The following ERBB4 variants were observed in gnomAD, a reference collection of about 807,000 sequenced individuals.
ERBB4 encodes erb-b2 receptor tyrosine kinase 4, also known as receptor tyrosine-protein kinase erbB-4.
ERBB4 carries 42 observed loss-of-function variants against 158.0 expected under a neutral mutation model. That is an observed-to-expected ratio of 0.27 (90% confidence interval 0.21 to 0.34). ERBB4 has a LOEUF of 0.34. Among genes scored for constraint, ERBB4 ranks in the 10% least tolerant of loss-of-function variants. ERBB4 has a pLI of 1.00. For missense variants in ERBB4, 1,333 were observed against 1,624.1 expected (o/e 0.82, Z 3.08); for synonymous variants, 583 against 558.7 (o/e 1.04, Z -0.61).
intron 3 of ERBB4, among the ~76,000 whole-genome samples, chr2:211,898,197 A>G (rs2079149208): frequency 6.6e-6 from 1 of 152,118 alleles, no homozygotes; most frequent in Admixed American, 6.6e-5. Context: ...CCATTAGACT[A>G]AATATGCCTA....
intron 16 of ERBB4, among the ~76,000 whole-genome samples, chr2:211,655,462 A>C (rs1431905798): frequency 1.3e-5 from 2 of 152,224 alleles, no homozygotes; most frequent in African/African-American, 4.8e-5. Flanking sequence ...TGCATGAAGA[A>C]AGTGAGGCTC....
At chr2:212,395,081 G>A (rs1202580454) in intron 1 of ERBB4, among the ~76,000 whole-genome samples, 1 of 152,038 alleles carries the variant, frequency 6.6e-6, no homozygotes, top group African/African-American at 2.4e-5. Context: ...CTTAACAACT[G>A]AGTATCCATA....
Position 212,349,877 on chromosome 2 carries a change from G to A in ERBB4, c.82+188572C>T, listed in dbSNP as rs576751287. Among the ~76,000 whole-genome samples the A allele has an allele frequency of 2.8e-4, 43 of 152,046 alleles. No individual in the cohort carries two copies. In the South Asian group the frequency reaches 4.8e-3, roughly 17 times the overall value. ...GCAATCCCAGCAAAATCAAGGTTCT[G>A]TTAATAAGGAAGAAGGGGAAAATAG... On this transcript the variant is annotated intron_variant, in intron 1 of 27. Transcript: ENST00000342788.
chr2:212,499,620 C>A (rs1429521960), intron 1 of ERBB4, among the ~76,000 whole-genome samples: 2 of 151,958 alleles, frequency 1.3e-5, no homozygotes, highest in Admixed American at 1.3e-4. Context: ...CGAAATTTGC[C>A]AAAAGATGAC....
At chr2:211,693,394 A>C (rs1215016089) in intron 12 of ERBB4, among the ~76,000 whole-genome samples, 3 of 152,260 alleles carry the variant, frequency 2.0e-5, no homozygotes, top group African/African-American at 7.2e-5. Context: ...AATGCAAAAA[A>C]ACCCCACTAT....
chr2:212,125,063 A>G (rs2079880519), intron 1 of ERBB4, 160 bp from the exon 2 acceptor site: 1 of 761,504 alleles, frequency 1.3e-6, no homozygotes, highest in African/African-American at 1.7e-5. Context: ...CGCACTGATG[A>G]ACATTTTCAC....
At chr2:211,563,868 G>A (rs933889455) in intron 19 of ERBB4, among the ~76,000 whole-genome samples, 2 of 152,136 alleles carry the variant, frequency 1.3e-5, no homozygotes, top group African/African-American at 4.8e-5. Context: ...GGTGTAATAT[G>A]TATATGGCAA....
chr2:211,786,855 T>C (rs1489990492), intron 4 of ERBB4, among the ~76,000 whole-genome samples: 7 of 152,216 alleles, frequency 4.6e-5, no homozygotes, highest in Non-Finnish European at 4.4e-5. Flanking sequence ...ATCATTTGTC[T>C]TGTTAATGTG....
At chr2:211,405,328 T>C (rs750845231) in intron 25 of ERBB4, among the ~76,000 whole-genome samples, 3 of 152,172 alleles carry the variant, frequency 2.0e-5, no homozygotes, top group Non-Finnish European at 4.4e-5. Flanking sequence ...TTGTATCTAA[T>C]GCTCAAGGGA....
chr2:212,177,341 A>G (rs1402051385), intron 1 of ERBB4, among the ~76,000 whole-genome samples: 2 of 151,934 alleles, frequency 1.3e-5, no homozygotes, highest in Admixed American at 1.3e-4. Flanking sequence ...ACCCACTAAG[A>G]ACTATGCATC....
rs551101500 is a variant in ERBB4, at chr2:211,636,111, T to G, written c.1947-5517A>C. 4.0e-3 allele frequency among the ~76,000 whole-genome samples: 602 copies of G among 151,422 alleles called. 7 individuals are homozygous for G. Among genetic ancestry groups the G allele is most frequent in the African/African-American group, 0.014 (566 of 41,392 alleles). On this transcript the variant is annotated intron_variant, in intron 16 of 27. Transcript: ENST00000342788. ...TTAAACTGAAAATGCGTGTGTGTGT[T>G]TTTTTAAAAAAAAAGTATATAAGAA...
chr2:211,485,588 T>A (rs932028367), intron 20 of ERBB4, among the ~76,000 whole-genome samples: 5 of 152,026 alleles, frequency 3.3e-5, no homozygotes, highest in Non-Finnish European at 7.4e-5. Flanking sequence ...TAGCCAATTT[T>A]CTCTTTCTGT....
intron 3 of ERBB4, among the ~76,000 whole-genome samples, chr2:211,856,265 C>T (rs1340999901): frequency 1.3e-5 from 2 of 152,030 alleles, no homozygotes; most frequent in South Asian, 4.2e-4. Flanking sequence ...CAGATAATGC[C>T]CTTTCTGATT....
chr2:211,556,491 C>CT (rs917784208), intron 20 of ERBB4, among the ~76,000 whole-genome samples: 1 of 152,016 alleles, frequency 6.6e-6, no homozygotes, highest in Non-Finnish European at 1.5e-5. Context: ...ATACTTTCTT[C>CT]TTTTTTTAAG....
At chr2:212,196,880 CCAGAACTTT>C (rs1430828795) in intron 1 of ERBB4, among the ~76,000 whole-genome samples, 1 of 152,098 alleles carries the variant, frequency 6.6e-6, no homozygotes, top group Non-Finnish European at 1.5e-5. Flanking sequence ...GTGTATAAAT[CCAGAACTTT>C]CAGATTTTGG....
chr2:212,269,842 C>A (rs934352691), intron 1 of ERBB4, among the ~76,000 whole-genome samples: 5 of 151,758 alleles, frequency 3.3e-5, no homozygotes, highest in Non-Finnish European at 4.4e-5. Flanking sequence ...TTGTTTCCTG[C>A]TGGTAGGTAC....
At chr2:212,190,195 G>A (rs764547740) in intron 1 of ERBB4, among the ~76,000 whole-genome samples, 3 of 152,154 alleles carry the variant, frequency 2.0e-5, no homozygotes, top group Non-Finnish European at 4.4e-5. Context: ...ATTATCACTA[G>A]AGAGTTCTTT....
At chr2:211,536,050 A>C (rs1000464377) in intron 20 of ERBB4, among the ~76,000 whole-genome samples, 11 of 151,984 alleles carry the variant, frequency 7.2e-5, no homozygotes, top group African/African-American at 2.4e-4. Flanking sequence ...GGCCATATTT[A>C]ATATTTCTAA....
At chr2:211,958,662 T>C (rs1246953340) in intron 2 of ERBB4, among the ~76,000 whole-genome samples, 1 of 152,028 alleles carries the variant, frequency 6.6e-6, no homozygotes. Flanking sequence ...AAAATCCCAA[T>C]CCCTTTGAAG....
Sources: gnomAD v4.1 joint callset for allele counts (sites outside exome capture counted in the v4.1 genomes callset) on GRCh38, gnomAD v4.1.1 for gene constraint, MANE v1.5 for transcripts, NCBI Gene and HGNC (gene_info 2026-07-23, HGNC 2026-07-21) for gene names.